SLC26A5: variants seen among roughly 807,000 people sequenced by gnomAD.
The protein encoded by SLC26A5 is prestin.
Under a neutral mutation model 81.0 loss-of-function variants are expected in SLC26A5, and 51 were observed. The observed-to-expected ratio is 0.63, with a 90% CI of 0.50 to 0.80. The LOEUF (loss-of-function observed/expected upper bound fraction) is 0.80. SLC26A5 is among the 30% of genes least tolerant of loss of function. The pLI is 0.00. For synonymous variants in SLC26A5, 325 were observed against 332.8 expected (o/e 0.98, Z 0.25); for missense variants, 771 against 905.8 (o/e 0.85, Z 1.91).
chr7:103,430,363 G>A (rs1825986133), intron 2 of SLC26A5, among the ~76,000 whole-genome samples: 1 of 152,232 alleles, frequency 6.6e-6, no homozygotes, highest in Non-Finnish European at 1.5e-5. Context: ...ACAGGCGTGA[G>A]CCAACGCGCC....
intron 2 of SLC26A5, among the ~76,000 whole-genome samples, chr7:103,438,848 T>G (rs1826660850): frequency 6.6e-6 from 1 of 152,178 alleles, no homozygotes; most frequent in Non-Finnish European, 1.5e-5. Context: ...TTTTGCCTAT[T>G]CTAGAACTTC....
At chr7:103,432,830 A>G (rs964684639) in intron 2 of SLC26A5, among the ~76,000 whole-genome samples, 9 of 152,004 alleles carry the variant, frequency 5.9e-5, no homozygotes, top group African/African-American at 2.2e-4. Context: ...GTTTTTAGAC[A>G]CTTTCATGTC....
intron 9 of SLC26A5, among the ~76,000 whole-genome samples, chr7:103,395,479 A>G (rs948085835): frequency 7.1e-6 from 1 of 140,600 alleles, no homozygotes; most frequent in African/African-American, 2.6e-5. Context: ...ATATACATAT[A>G]TATATACGCA....
downstream of SLC26A5, among the ~76,000 whole-genome samples, chr7:103,371,695 ATTTTT>A (rs72068482): frequency 9.4e-5 from 12 of 127,060 alleles, no homozygotes; most frequent in Admixed American, 8.2e-5. Flanking sequence ...ATGTGCAATA[ATTTTT>A]TTTTTTTTTT....
chr7:103,430,745 C>T (rs1451344130), intron 2 of SLC26A5, among the ~76,000 whole-genome samples: 1 of 152,186 alleles, frequency 6.6e-6, no homozygotes, highest in Non-Finnish European at 1.5e-5. Context: ...TGGTAGAAAT[C>T]GTGCTTTGGG....
chr7:103,374,881 C>T (rs1010762748), intron 19 of SLC26A5, among the ~76,000 whole-genome samples: 3 of 150,772 alleles, frequency 2.0e-5, no homozygotes, highest in Non-Finnish European at 4.4e-5. Flanking sequence ...ACCTCAATCC[C>T]AGGAAACTAC....
chr7:103,375,276 T>A (rs891193073), intron 19 of SLC26A5, among the ~76,000 whole-genome samples: 2 of 151,908 alleles, frequency 1.3e-5, no homozygotes, highest in South Asian at 4.1e-4. Context: ...TAGTCCCTTT[T>A]GTTTGGTACT....
At chr7:103,403,695 CTTTT>C (rs561652280) in intron 8 of SLC26A5, among the ~76,000 whole-genome samples, 1 of 128,572 alleles carries the variant, frequency 7.8e-6, no homozygotes, top group Non-Finnish European at 1.7e-5. Context: ...CAATCCCCTG[CTTTT>C]TTTTTTTTTT....
rs1368772313 is a variant in SLC26A5 at position 103,413,058 on chromosome 7, G to C, written c.347C>G (p.Ser116Ter). The change falls in exon 5 of 20, where the codon TCA becomes TGA. Residue 116 changes from serine to a stop codon, truncating the protein, a stop_gained. Transcript: ENST00000306312. LOFTEE classifies it high-confidence loss of function. ...AVPPIFGLYS[S>*]FYPVIMYCFL... is the part of the protein sequence containing the mutation. ...ACAATACATGATAACAGGGTAAAAT[G>C]AAGAGTACAGGCCAAATATTGGAGG... is the stretch of plus-strand genomic sequence containing the variant. 6.2e-7 allele frequency: 1 copy of C among 1,614,054 alleles called. No homozygotes were observed. The highest frequency in any genetic ancestry group is 1.7e-5 in the Admixed American group (1 of 60,026).
intron 9 of SLC26A5, among the ~76,000 whole-genome samples, chr7:103,395,343 CTT>C (rs34420602): frequency 3.8e-5 from 4 of 105,170 alleles, no homozygotes; most frequent in East Asian, 2.9e-4. Context: ...AACGTAAGGT[CTT>C]TTTTTTTTTT....
chr7:103,387,426 C>T (rs1822282132), intron 14 of SLC26A5, among the ~76,000 whole-genome samples: 1 of 152,322 alleles, frequency 6.6e-6, no homozygotes, highest in South Asian at 2.1e-4. Context: ...GGCAAAACCA[C>T]ACTAGCTTCA....
At chr7:103,369,739 A>G (rs575083358), downstream of SLC26A5, among the ~76,000 whole-genome samples, 1 of 151,584 alleles carries the variant, frequency 6.6e-6, no homozygotes, top group South Asian at 2.1e-4. Context: ...ATATATATAT[A>G]CATGTGTCAG....
At chr7:103,402,601 A>T (rs1286177383) in intron 8 of SLC26A5, among the ~76,000 whole-genome samples, 1 of 151,794 alleles carries the variant, frequency 6.6e-6, no homozygotes, top group Non-Finnish European at 1.5e-5. Flanking sequence ...GGATTTCACC[A>T]TGTTGGCCAA....
At chr7:103,416,364 G>T (rs547025110) in intron 4 of SLC26A5, among the ~76,000 whole-genome samples, 2 of 152,236 alleles carry the variant, frequency 1.3e-5, no homozygotes, top group Non-Finnish European at 2.9e-5. Context: ...GTCACCATCT[G>T]CTTTGGGCTA....
chr7:103,433,208 T>C (rs1826204003), intron 2 of SLC26A5, among the ~76,000 whole-genome samples: 1 of 152,204 alleles, frequency 6.6e-6, no homozygotes, highest in African/African-American at 2.4e-5. Context: ...AACTTCATCA[T>C]TCAACACTCT....
chr7:103,417,397 A>G (rs1291869065), intron 4 of SLC26A5, among the ~76,000 whole-genome samples: 1 of 151,246 alleles, frequency 6.6e-6, no homozygotes, highest in Non-Finnish European at 1.5e-5. Context: ...AAAAAAAAAT[A>G]GAAATAATTT....
At chr7:103,401,485 A>G (rs577715572) in intron 8 of SLC26A5, among the ~76,000 whole-genome samples, 1 of 152,340 alleles carries the variant, frequency 6.6e-6, no homozygotes, top group East Asian at 1.9e-4. Flanking sequence ...GTTTTTCTAA[A>G]TATAAAATAA....
Position 103,411,576 on chromosome 7 carries a change from A to G in SLC26A5, c.414T>C (p.Ala138=), listed in dbSNP as rs778324621. Residue 138 remains alanine (A), a synonymous_variant, in exon 6 of 20, where the codon GCT becomes GCC. Coordinates refer to ENST00000306312, the MANE Select transcript of SLC26A5 (RefSeq NM_198999.3). ...CACCACCAATCATCAGGCTAATAAC[A>G]GCAAAAGGACCTGAAATAATGAAGC... The part of the protein sequence containing the change: ...TSRHISIGPF[A]VISLMIGGVA... 6.2e-7 allele frequency: 1 copy of G among 1,614,156 alleles called. No homozygotes were observed. The highest frequency in any genetic ancestry group is 1.1e-5 in the South Asian group (1 of 91,076).
intron 19 of SLC26A5, among the ~76,000 whole-genome samples, chr7:103,375,160 T>TTA (rs946841897): frequency 7.0e-4 from 103 of 148,008 alleles, no homozygotes; most frequent in East Asian, 5.5e-3. Flanking sequence ...TAGATTAATG[T>TTA]TATATATATA....
Sources: allele counts gnomAD v4.1 joint callset (sites outside exome capture counted in the v4.1 genomes callset), GRCh38; gene constraint gnomAD v4.1.1; transcripts MANE v1.5; gene names NCBI Gene and HGNC (gene_info 2026-07-23, HGNC 2026-07-21).